The following ELF1 variants were observed in gnomAD, a reference collection of about 807,000 sequenced individuals.
The protein encoded by ELF1 is E74 like ETS transcription factor 1.
In ELF1, 24 loss-of-function variants were observed where a neutral mutation model predicts 59.9. That is an observed-to-expected ratio of 0.40 (90% CI 0.29 to 0.56). The LOEUF (loss-of-function observed/expected upper bound fraction) is 0.56, where lower values mean the gene tolerates loss of function less well. ELF1 is among the 20% of genes least tolerant of loss of function. ELF1 has a pLI of 0.44. For synonymous variants in ELF1, 248 were observed against 266.2 expected, an observed-to-expected ratio of 0.93 and a Z score of 0.67; for missense variants, 627 against 742.2, an observed-to-expected ratio of 0.84 and a Z score of 1.80.
intron 1 of ELF1, among the ~76,000 whole-genome samples, chr13:41,030,824 G>T (rs1465306932): frequency 6.6e-6 from 1 of 151,632 alleles, no homozygotes; most frequent in South Asian, 2.1e-4. Context: ...GTTTTTTTTG[G>T]GGGGTGGGGG....
intron 3 of ELF1, among the ~76,000 whole-genome samples, chr13:40,958,611 A>T (rs1371015101): frequency 6.6e-6 from 1 of 152,132 alleles, no homozygotes; most frequent in East Asian, 1.9e-4. Context: ...TGTCACATTC[A>T]TCTCAATATA....
intron 3 of ELF1, among the ~76,000 whole-genome samples, chr13:40,957,579 C>T (rs939396016): frequency 6.6e-6 from 1 of 152,050 alleles, no homozygotes; most frequent in Non-Finnish European, 1.5e-5. Flanking sequence ...TCCTCCTGCT[C>T]CAGCCATGTA....
chr13:41,000,278 T>G (rs1874354780), intron 1 of ELF1, among the ~76,000 whole-genome samples: 1 of 125,746 alleles, frequency 8.0e-6, no homozygotes, highest in Non-Finnish European at 1.6e-5. Flanking sequence ...TGAGACAGAG[T>G]CTCACTCTGT....
intron 2 of ELF1, among the ~76,000 whole-genome samples, chr13:40,966,329 T>C (rs952625974): frequency 6.6e-6 from 1 of 152,248 alleles, no homozygotes; most frequent in Non-Finnish European, 1.5e-5. Context: ...AGATTTCCCC[T>C]TTCTATTAAT....
chr13:40,943,292 T>C lies in ELF1; in HGVS notation c.614-148A>G, dbSNP rs1239516177. ...AGTATTGGTGACATAATTTAGTTAG[T>C]ATGGGTGATATAATGGTCATAATTT... On this transcript the variant is annotated intron_variant, in intron 6 of 8. Transcript: ENST00000239882. 2.6e-4 allele frequency: 169 copies of C among 641,436 alleles called. 1 individual carries two copies. The highest frequency in any genetic ancestry group is 3.8e-5 in the Non-Finnish European group (16 of 425,036). The allele number at this position is 641,436 out of a possible 1,614,324, so 39.7% of individuals were successfully genotyped here.
chr13:40,992,988 G>C, intron 1 of ELF1: 1 of 1,169,506 alleles, frequency 8.6e-7, no homozygotes, highest in Non-Finnish European at 1.3e-6. Flanking sequence ...GTCTTCACAG[G>C]CAATCCAGAA....
At chr13:41,042,180 AC>A (rs1405803739) in intron 1 of ELF1, among the ~76,000 whole-genome samples, 2 of 151,642 alleles carry the variant, frequency 1.3e-5, no homozygotes, top group Non-Finnish European at 2.9e-5. Context: ...ATGCCACCAC[AC>A]CCGGCTAATT....
At chr13:41,053,287 G>A (rs61962753) in intron 1 of ELF1, among the ~76,000 whole-genome samples, 10 of 152,022 alleles carry the variant, frequency 6.6e-5, no homozygotes, top group Non-Finnish European at 1.0e-4. Context: ...CCGGGAGGCA[G>A]AGCTTGTAGT....
At chr13:40,966,837 C>G (rs1422238998) in intron 2 of ELF1, among the ~76,000 whole-genome samples, 1 of 152,088 alleles carries the variant, frequency 6.6e-6, no homozygotes, top group Non-Finnish European at 1.5e-5. Context: ...AAACAAAAAG[C>G]AAGTTAAATT....
intron 1 of ELF1, among the ~76,000 whole-genome samples, chr13:41,060,670 G>A (rs996521113): frequency 2.6e-5 from 4 of 152,054 alleles, no homozygotes; most frequent in Admixed American, 6.5e-5. Flanking sequence ...AAAGGAGCCA[G>A]AACACAAGAT....
upstream of ELF1, among the ~76,000 whole-genome samples, chr13:41,022,208 A>G (rs953297802): frequency 2.0e-5 from 3 of 152,250 alleles, no homozygotes; most frequent in Non-Finnish European, 2.9e-5. Context: ...TAGTATATCC[A>G]TATAATGGAA....
chr13:40,951,431 C>T lies in ELF1; in HGVS notation c.259G>A (p.Ala87Thr). The part of the protein sequence containing the change: ...DDDDITLTVE[A>T]SCHDGDETIE... ...GTTTCATCCCCGTCATGACAAGAAG[C>T]TTCAACTGCAACACATTTAAAGAGA... Residue 87 changes from alanine (A) to threonine (T), a missense_variant, in exon 4 of 9, where the codon GCT (alanine) becomes ACT (threonine). Ala to Thr is a moderately conservative substitution (Grantham distance 58, BLOSUM62 0). Coordinates refer to ENST00000239882, the MANE Select transcript of ELF1 (RefSeq NM_172373.4). The T allele has an allele frequency of 1.2e-6, 2 of 1,613,576 alleles. No homozygotes were observed. The highest frequency in any genetic ancestry group is 2.2e-5 in the South Asian group (2 of 91,028).
chr13:41,036,935 C>G (rs920101818), intron 1 of ELF1, among the ~76,000 whole-genome samples: 3 of 150,952 alleles, frequency 2.0e-5, no homozygotes, highest in Non-Finnish European at 2.9e-5. Context: ...AGGGGAACAT[C>G]ACACACTGGG....
At chr13:41,005,349 C>CA (rs894402781) in intron 1 of ELF1, among the ~76,000 whole-genome samples, 7 of 144,330 alleles carry the variant, frequency 4.8e-5, no homozygotes, top group African/African-American at 1.8e-4. Context: ...AGTGTCTAAA[C>CA]AACAGAACAG....
chr13:41,027,714 A>G (rs1346698542), intron 1 of ELF1, among the ~76,000 whole-genome samples: 1 of 152,222 alleles, frequency 6.6e-6, no homozygotes, highest in African/African-American at 2.4e-5. Context: ...CTTATCTACC[A>G]TCATGGCATT....
chr13:40,938,061 C>T (rs1013122943), intron 8 of ELF1, among the ~76,000 whole-genome samples: 1 of 152,168 alleles, frequency 6.6e-6, no homozygotes, highest in African/African-American at 2.4e-5. Flanking sequence ...AGGTGATCCA[C>T]CCGCCTCGGC....
intron 8 of ELF1, among the ~76,000 whole-genome samples, chr13:40,937,131 A>C (rs1056146420): frequency 6.6e-5 from 10 of 152,322 alleles, no homozygotes; most frequent in African/African-American, 2.4e-4. Context: ...CAACCACAGA[A>C]TTACTTTCTT....
chr13:41,051,800 A>T (rs1439216343), intron 1 of ELF1, among the ~76,000 whole-genome samples: 4 of 152,206 alleles, frequency 2.6e-5, no homozygotes, highest in Non-Finnish European at 4.4e-5. Context: ...GTGTGTATTC[A>T]ATAGTGATTA....
At chr13:40,963,289 C>G (rs1871959253) in intron 2 of ELF1, among the ~76,000 whole-genome samples, 1 of 152,150 alleles carries the variant, frequency 6.6e-6, no homozygotes. Context: ...GTTTAGAAAA[C>G]CAGAATAATT....
Sources: allele counts gnomAD v4.1 joint callset (sites outside exome capture counted in the v4.1 genomes callset), GRCh38; gene constraint gnomAD v4.1.1; transcripts MANE v1.5; gene names NCBI Gene and HGNC (gene_info 2026-07-23, HGNC 2026-07-21).